RGPD2: variants seen among roughly 807,000 people sequenced by gnomAD.
RGPD2 encodes the protein RANBP2-like and GRIP domain-containing protein 2.
RGPD2 carries 2 observed loss-of-function variants against 36.0 expected under a neutral mutation model. That is an observed-to-expected ratio of 0.06 (90% CI 0.02 to 0.17). The LOEUF is 0.17. RGPD2 is among the 10% of genes least tolerant of loss of function. The pLI is 1.00. For synonymous variants in RGPD2, 19 were observed against 163.8 expected (o/e 0.12, Z 6.75); for missense variants, 40 against 464.3 (o/e 0.09, Z 8.40).
the RGPD2 span, among the ~76,000 whole-genome samples, chr2:87,980,216 T>G: frequency 6.7e-6 from 1 of 148,298 alleles, no homozygotes; most frequent in Non-Finnish European, 1.5e-5. Flanking sequence ...CCGGGCATGG[T>G]GGCGGGCGCC....
the RGPD2 span, among the ~76,000 whole-genome samples, chr2:87,857,774 TAAAAA>T: frequency 3.2e-5 from 4 of 123,488 alleles, no homozygotes; most frequent in South Asian, 2.6e-4. Flanking sequence ...CCATCTCTAC[TAAAAA>T]AAAAAAAAAA....
At chr2:87,871,109 GT>G in the RGPD2 span, among the ~76,000 whole-genome samples, 1 of 140,782 alleles carries the variant, frequency 7.1e-6, no homozygotes, top group East Asian at 2.1e-4. Context: ...TTAAAATAGG[GT>G]AAGATTGTAT....
At chr2:87,763,448 C>T (rs1359415694) in intron 22 of RGPD2, among the ~76,000 whole-genome samples, 3 of 126,170 alleles carry the variant, frequency 2.4e-5, no homozygotes, top group African/African-American at 9.0e-5. Context: ...TGAGCCACCA[C>T]ACCCAGCCTC....
chr2:87,824,856 GGCCGAGGCCGCCGCCGCCGCC>G (rs1558738685), intron 1 of RGPD2: 3 of 79,674 alleles, frequency 3.8e-5, no homozygotes, highest in African/African-American at 5.1e-5. Context: ...GCCAGGCCGA[GGCCGAGGCCGCCGCCGCCGCC>G]GCCGCCGCCG....
At chr2:87,762,537 AAAAC>A (rs1156935254) in intron 22 of RGPD2, among the ~76,000 whole-genome samples, 2 of 124,570 alleles carry the variant, frequency 1.6e-5, no homozygotes, top group African/African-American at 3.8e-5. Flanking sequence ...AGACTGTCTC[AAAAC>A]AAACAAAAAA....
chr2:87,884,993 A>G, the RGPD2 span, among the ~76,000 whole-genome samples: 1 of 152,170 alleles, frequency 6.6e-6, no homozygotes. Context: ...AAGAAAAGAA[A>G]AACTGCAGGC....
the RGPD2 span, among the ~76,000 whole-genome samples, chr2:87,860,625 C>T: frequency 1.3e-5 from 2 of 151,728 alleles, no homozygotes; most frequent in African/African-American, 4.8e-5. Context: ...GGCAATTTTT[C>T]TACTGGAAGG....
the RGPD2 span, among the ~76,000 whole-genome samples, chr2:87,907,065 C>T: frequency 1.7e-5 from 1 of 60,278 alleles, no homozygotes. Flanking sequence ...ACATATACAC[C>T]ATGGAATACT....
intron 1 of RGPD2, among the ~76,000 whole-genome samples, chr2:87,824,760 C>CCGGCCAGGCCGAG (rs1686575208): frequency 8.1e-6 from 1 of 122,942 alleles, no homozygotes; most frequent in African/African-American, 3.0e-5. Context: ...CCGCCGCCGC[C>CCGGCCAGGCCGAG]GCCGCCGCCC....
the RGPD2 span, among the ~76,000 whole-genome samples, chr2:87,957,240 G>GGC: frequency 2.1e-5 from 3 of 140,098 alleles, 1 homozygote; most frequent in South Asian, 2.4e-4. Flanking sequence ...GGTCACTGGG[G>GGC]GGGGGCTCTC....
At chr2:87,846,458 G>C in the RGPD2 span, among the ~76,000 whole-genome samples, 2 of 151,978 alleles carry the variant, frequency 1.3e-5, no homozygotes, top group Admixed American at 6.6e-5. Flanking sequence ...TATTGGATGT[G>C]ATGTGAACCC....
At chr2:87,841,487 A>G in the RGPD2 span, among the ~76,000 whole-genome samples, 1 of 152,142 alleles carries the variant, frequency 6.6e-6, no homozygotes, top group African/African-American at 2.4e-5. Flanking sequence ...TTAAATTTTA[A>G]ATATAGGTTT....
the RGPD2 span, among the ~76,000 whole-genome samples, chr2:87,910,691 T>A: frequency 6.6e-6 from 1 of 151,780 alleles, no homozygotes; most frequent in Non-Finnish European, 1.5e-5. Flanking sequence ...AACATAAAAA[T>A]TATACAGATA....
At chr2:87,964,757 G>C in the RGPD2 span, among the ~76,000 whole-genome samples, 2 of 138,226 alleles carry the variant, frequency 1.4e-5, no homozygotes, top group African/African-American at 2.6e-5. Context: ...CTTTTGCCTA[G>C]GCCTGTCCTG....
chr2:87,809,359 C>T (rs1461786522), intron 6 of RGPD2, among the ~76,000 whole-genome samples: 2 of 149,902 alleles, frequency 1.3e-5, no homozygotes, highest in Non-Finnish European at 3.0e-5. Flanking sequence ...CCTGTTTCTA[C>T]TAAAAATACA....
the RGPD2 span, among the ~76,000 whole-genome samples, chr2:87,893,729 TTAAG>T: frequency 1.1e-5 from 1 of 95,056 alleles, no homozygotes; most frequent in Non-Finnish European, 2.1e-5. Flanking sequence ...GCAGATATAT[TTAAG>T]TGTTTAAATC....
At chr2:87,897,512 G>T in the RGPD2 span, among the ~76,000 whole-genome samples, 39 of 152,164 alleles carry the variant, frequency 2.6e-4, no homozygotes, top group African/African-American at 8.9e-4. Context: ...TGCAGAATGT[G>T]CAGGTTTGTT....
chr2:87,798,731 G>A (rs1444308084), intron 8 of RGPD2, among the ~76,000 whole-genome samples: 1 of 138,024 alleles, frequency 7.2e-6, no homozygotes, highest in South Asian at 2.4e-4. Context: ...AGCCGGCCCT[G>A]GTGGCGGGCG....
chr2:87,985,652 C>T, the RGPD2 span: 17 of 1,327,130 alleles, frequency 1.3e-5, 1 homozygote, highest in South Asian at 1.7e-4. Flanking sequence ...TATGTAGTCT[C>T]AATGTTATAT....
Sources: allele counts gnomAD v4.1 joint callset (sites outside exome capture counted in the v4.1 genomes callset), GRCh38; gene constraint gnomAD v4.1.1; transcripts MANE v1.5; gene names NCBI Gene and HGNC (gene_info 2026-07-23, HGNC 2026-07-21).